The following ANKRD11 variants were observed in gnomAD, a reference collection of about 807,000 sequenced individuals.
ANKRD11 encodes the protein ankyrin repeat domain 11.
In ANKRD11, 17 loss-of-function variants were observed where a neutral mutation model predicts 195.7. The observed-to-expected ratio is 0.09, with a 90% CI of 0.06 to 0.13. The LOEUF (loss-of-function observed/expected upper bound fraction) is 0.13, where lower values mean the gene tolerates loss of function less well. Ranked by LOEUF, ANKRD11 falls within the 10% of genes least tolerant of loss-of-function variation. The pLI is 1.00. For missense variants in ANKRD11, 3,735 were observed against 3,566.1 expected (o/e 1.05, Z -1.21); for synonymous variants, 1,953 against 1,528.1 (o/e 1.28, Z -6.49).
At chr16:89,476,511 G>C (rs2057263514) in intron 1 of ANKRD11, among the ~76,000 whole-genome samples, 1 of 152,214 alleles carries the variant, frequency 6.6e-6, no homozygotes, top group Non-Finnish European at 1.5e-5. Context: ...GCCTGGACCA[G>C]GACAGGCAGA....
chr16:89,340,725 T>C (rs893392381), intron 2 of ANKRD11, among the ~76,000 whole-genome samples: 2 of 152,228 alleles, frequency 1.3e-5, no homozygotes, highest in African/African-American at 4.8e-5. Flanking sequence ...ACTCAAGTGC[T>C]AACAGGAGGC....
chr16:89,326,875 ATC>A (rs2037755777), intron 2 of ANKRD11, among the ~76,000 whole-genome samples: 2 of 152,240 alleles, frequency 1.3e-5, no homozygotes, highest in East Asian at 1.9e-4. Flanking sequence ...TGCTGGTGGC[ATC>A]CGGGCACATC....
At chr16:89,288,315 G>C (rs889305452) in intron 7 of ANKRD11, 3 of 750,356 alleles carry the variant, frequency 4.0e-6, no homozygotes, top group Non-Finnish European at 6.9e-6. Context: ...GATGGCACTT[G>C]CTGGGAAACC....
intron 7 of ANKRD11, chr16:89,287,558 C>T (rs919562627): frequency 1.2e-5 from 2 of 172,870 alleles, no homozygotes; most frequent in Non-Finnish European, 2.5e-5. Context: ...CCCTGCAGCA[C>T]TGAGCGAATC....
intron 2 of ANKRD11, among the ~76,000 whole-genome samples, chr16:89,321,483 T>C (rs970627925): frequency 1.2e-5 from 1 of 80,472 alleles, no homozygotes; most frequent in African/African-American, 4.8e-5. Context: ...TGGGGCCGGG[T>C]GGGGAGCCGC....
chr16:89,383,812 G>C (rs1284982914), intron 2 of ANKRD11, among the ~76,000 whole-genome samples: 1 of 152,172 alleles, frequency 6.6e-6, no homozygotes, highest in Non-Finnish European at 1.5e-5. Context: ...AGCACCCAGA[G>C]GGCAAAGGTG....
At chr16:89,366,753 T>A (rs537391754) in intron 2 of ANKRD11, among the ~76,000 whole-genome samples, 1 of 152,332 alleles carries the variant, frequency 6.6e-6, no homozygotes, top group African/African-American at 2.4e-5. Context: ...CTCTCTTGAA[T>A]GTGTGCTATG....
intron 1 of ANKRD11, among the ~76,000 whole-genome samples, chr16:89,475,798 C>T (rs1390499397): frequency 1.3e-5 from 2 of 152,054 alleles, no homozygotes; most frequent in Admixed American, 1.3e-4. Context: ...ACCTGGAATC[C>T]CAGCATTTTG....
chr16:89,445,286 A>AAC (rs2043734649), intron 1 of ANKRD11, among the ~76,000 whole-genome samples: 1 of 152,198 alleles, frequency 6.6e-6, no homozygotes, highest in Non-Finnish European at 1.5e-5. Context: ...TTCTTTAACT[A>AAC]ATATATATAG....
chr16:89,305,635 C>T (rs1377508352), intron 3 of ANKRD11, among the ~76,000 whole-genome samples: 2 of 149,910 alleles, frequency 1.3e-5, no homozygotes, highest in African/African-American at 2.5e-5. Context: ...GAGACACACA[C>T]GCGCTACCTC....
intron 7 of ANKRD11, chr16:89,288,055 G>T (rs1270279408): frequency 1.8e-6 from 1 of 555,940 alleles, no homozygotes; most frequent in Non-Finnish European, 3.2e-6. Flanking sequence ...AGACCTCTCA[G>T]TGCCCACTGC....
chr16:89,308,462 C>T (rs1428224617), intron 3 of ANKRD11, among the ~76,000 whole-genome samples: 1 of 152,224 alleles, frequency 6.6e-6, no homozygotes, highest in Non-Finnish European at 1.5e-5. Flanking sequence ...CACCACCCAA[C>T]AGGCACTTCA....
In ANKRD11 at chr16:89,327,872, A is replaced by G. The variant is rs148505475; in HGVS notation, c.-59-10794T>C. Among the ~76,000 whole-genome samples, 472 of 152,352 alleles carry G rather than the reference A, an allele frequency of 3.1e-3. 1 individual carries two copies. Among genetic ancestry groups the G allele is most frequent in the African/African-American group, 0.011 (455 of 41,578 alleles). The stretch of plus-strand genomic sequence containing the variant: ...GCAACAAAAGCACAATCCATAAAAG[A>G]AAAAACTGATAAACGACCTCGACAA... On this transcript the variant is annotated intron_variant, in intron 2 of 12. Transcript: ENST00000301030.
chr16:89,311,759 G>C (rs2036619255), intron 3 of ANKRD11, among the ~76,000 whole-genome samples: 1 of 152,198 alleles, frequency 6.6e-6, no homozygotes, highest in Non-Finnish European at 1.5e-5. Context: ...GTGAAGACAT[G>C]GAGGCTGCTC....
chr16:89,462,868 C>A (rs1003033136), intron 1 of ANKRD11, among the ~76,000 whole-genome samples: 12 of 151,190 alleles, frequency 7.9e-5, no homozygotes, highest in Admixed American at 2.6e-4. Flanking sequence ...AGCGTCTCCG[C>A]CCAGCAGCCG....
At chr16:89,304,477 CACAT>C (rs759988318) in intron 4 of ANKRD11, among the ~76,000 whole-genome samples, 1 of 151,862 alleles carries the variant, frequency 6.6e-6, no homozygotes, top group African/African-American at 2.4e-5. Flanking sequence ...CACATGGGCA[CACAT>C]ACACGGGCAT....
chr16:89,473,551 G>A (rs897262151), intron 1 of ANKRD11, among the ~76,000 whole-genome samples: 2 of 152,214 alleles, frequency 1.3e-5, no homozygotes, highest in Non-Finnish European at 1.5e-5. Flanking sequence ...CTGTGGCCAC[G>A]AGTCTTGATT....
intron 1 of ANKRD11, among the ~76,000 whole-genome samples, chr16:89,428,751 A>G (rs1428896344): frequency 1.3e-5 from 2 of 151,656 alleles, no homozygotes; most frequent in East Asian, 2.0e-4. Flanking sequence ...AAAATTAGCC[A>G]GGCATGGTGG....
At chr16:89,276,117 C>T (rs535709127) in intron 9 of ANKRD11, among the ~76,000 whole-genome samples, 10 of 152,294 alleles carry the variant, frequency 6.6e-5, no homozygotes, top group East Asian at 1.9e-4. Flanking sequence ...CAGGAGCGCA[C>T]GGGGCAGATG....
Sources: allele counts gnomAD v4.1 joint callset (sites outside exome capture counted in the v4.1 genomes callset), GRCh38; gene constraint gnomAD v4.1.1; transcripts MANE v1.5; gene names NCBI Gene and HGNC (gene_info 2026-07-23, HGNC 2026-07-21).